CASTOR1: variants seen among roughly 807,000 people sequenced by gnomAD.
CASTOR1 encodes the protein cytosolic arginine sensor for mTORC1 subunit 1.
CASTOR1 carries 18 observed loss-of-function variants against 33.7 expected under a neutral mutation model. The ratio of observed to expected loss-of-function variants is 0.53; its 90% CI spans 0.37 to 0.79. The LOEUF is 0.79. Ranked by LOEUF, CASTOR1 falls within the 30% of genes least tolerant of loss-of-function variation. CASTOR1 has a pLI of 0.00. For synonymous variants in CASTOR1, 175 were observed against 190.6 expected (o/e 0.92, Z 0.67); for missense variants, 362 against 446.3 (o/e 0.81, Z 1.70).
chr22:30,286,435 C>T, intron 5 of CASTOR1, 59 bp from the exon 6 acceptor site: 1 of 1,158,700 alleles, frequency 8.6e-7, no homozygotes, highest in Non-Finnish European at 1.3e-6. Context: ...TGCCCCTGCT[C>T]CCGATCAGCC....
chr22:30,288,861 C>A, intron 1 of CASTOR1, 85 bp from the exon 2 acceptor site: 2 of 1,154,336 alleles, frequency 1.7e-6, no homozygotes, highest in Non-Finnish European at 2.5e-6. Context: ...CCCGAGACAC[C>A]CCCGCGACCC....
chr22:30,287,658 A>C, intron 2 of CASTOR1, 98 bp from the exon 3 acceptor site: 10 of 1,203,272 alleles, frequency 8.3e-6, no homozygotes, highest in Non-Finnish European at 1.2e-5. Context: ...GGGCTCCATC[A>C]AGGTAAGGGC....
rs1207120849 is a variant in CASTOR1 at position 30,285,334 on chromosome 22, C to T, written c.*286G>A. 1.2e-5 allele frequency: 4 copies of T among 341,284 alleles called. No individual in the cohort carries two copies. The highest frequency in any genetic ancestry group is 2.2e-5 in the Non-Finnish European group (4 of 186,010). The allele number at this position is 341,284 out of a possible 1,614,324, so 21.1% of individuals were successfully genotyped here. ...CCTCAGGCAGGGACTGTGCAAACGC[C>T]GAGGCTGCGCAGGGAGTGATGGGTT... On this transcript the variant is annotated 3_prime_UTR_variant, in exon 9 of 9. Coordinates refer to ENST00000407689, the MANE Select transcript of CASTOR1 (RefSeq NM_001037666.3).
Position 30,289,433 on chromosome 22 carries a change from A to G in CASTOR1, c.65T>C (p.Leu22Pro), listed in dbSNP as rs774552859. 2 of 1,600,848 alleles carry G rather than the reference A, an allele frequency of 1.2e-6. No homozygotes were observed. Among genetic ancestry groups the G allele is most frequent in the African/African-American group, 1.4e-5 (1 of 73,982 alleles). Residue 22 changes from leucine to proline, a missense_variant, in exon 1 of 9, where the codon CTC becomes CCC. Leu to Pro is a moderately conservative substitution (Grantham distance 98, BLOSUM62 -3). Coordinates refer to ENST00000407689, the MANE Select transcript of CASTOR1 (RefSeq NM_001037666.3). ...VLSVARPGLW[L>P]YTHPLIKLLF... is the part of the protein sequence containing the mutation. ...CAGCTTGATGAGCGGGTGGGTGTAG[A>G]GCCAGAGACCGGGACGGGCGACGCT...
intron 5 of CASTOR1, 75 bp from the exon 6 acceptor site, chr22:30,286,451 A>C (rs1206379172): frequency 4.8e-6 from 5 of 1,035,892 alleles, no homozygotes; most frequent in Non-Finnish European, 7.4e-6. Flanking sequence ...CAGCCTCCAG[A>C]ACCCTGGGAA....
Position 30,287,138 on chromosome 22 carries a change from CA to C in CASTOR1, c.505+16del, listed in dbSNP as rs1287894199. ...GGAGGCCCTGCCCAAGTCCAAGTGT[CA>C]GGGGGCGGCCCTCACCATGCTGAGT... On this transcript the variant is annotated intron_variant, in intron 4 of 8. Coordinates refer to ENST00000407689, the MANE Select transcript of CASTOR1 (RefSeq NM_001037666.3). The C allele has an allele frequency of 1.2e-6, 2 of 1,603,874 alleles. No individual in the cohort carries two copies. The highest frequency in any genetic ancestry group is 2.7e-5 in the African/African-American group (2 of 74,670).
chr22:30,286,210 C>A, intron 6 of CASTOR1, 53 bp downstream of exon 6: 1 of 1,488,262 alleles, frequency 6.7e-7, no homozygotes, highest in South Asian at 1.2e-5. Flanking sequence ...CACCTCCTCC[C>A]TGCCTGGGAC....
In CASTOR1 at chr22:30,286,634, C is replaced by T. The variant is rs1419288510; in HGVS notation, c.629+191G>A. 4 of 778,836 alleles carry T rather than the reference C, an allele frequency of 5.1e-6. No individual in the cohort carries two copies. In the African/African-American group the frequency reaches 6.9e-5, roughly 13 times the overall value. 48.2% of individuals were successfully genotyped at this position (778,836 alleles called of 1,614,324 possible). ...CCAGGGCATGGCTCAGACGACCCCA[C>T]TGGAAAGGGATCCAGCTTTGGGGCA... On this transcript the variant is annotated intron_variant, in intron 5 of 8. Coordinates refer to ENST00000407689, the MANE Select transcript of CASTOR1 (RefSeq NM_001037666.3).
intron 2 of CASTOR1, 123 bp from the exon 3 acceptor site, chr22:30,287,683 G>A: frequency 2.1e-6 from 2 of 954,380 alleles, no homozygotes; most frequent in Non-Finnish European, 1.6e-6. Flanking sequence ...CTGGAGGCTG[G>A]GGCTCCTGAA....
chr22:30,286,079 G>A lies in CASTOR1; in HGVS notation c.763C>T (p.Leu255=). The part of the protein sequence containing the change: ...TQKKFPSDLL[L]TSSSGELWRM... Reference sequence around the variant, plus strand: ...CACAGCTCCCCCGAGGAGCTGGTCAGCAGGAGGTCACTGGGGAACCTGGGG... The same window carrying A: ...CACAGCTCCCCCGAGGAGCTGGTCAACAGGAGGTCACTGGGGAACCTGGGG... The change falls in exon 7 of 9, where the codon CTG becomes TTG. Residue 255 remains leucine (L), a synonymous_variant. Transcript: ENST00000407689. 6.3e-7 allele frequency: 1 copy of A among 1,578,684 alleles called. No homozygotes were observed. Among genetic ancestry groups the A allele is most frequent in the Non-Finnish European group, 8.6e-7 (1 of 1,160,634 alleles).
At position 30,285,516 on chromosome 22, in the gene CASTOR1, C is replaced by G. The variant is rs77637191; in HGVS notation, c.*104G>C. On this transcript the variant is annotated 3_prime_UTR_variant, in exon 9 of 9. Coordinates refer to ENST00000407689, the MANE Select transcript of CASTOR1 (RefSeq NM_001037666.3). ...CAGAGAGCGGAACGAGGGTCCCCAGCAGAACAGGGGGCTCGTTCCAGAGCT... is the reference window on the plus strand; with the variant it reads ...CAGAGAGCGGAACGAGGGTCCCCAGGAGAACAGGGGGCTCGTTCCAGAGCT... 2.0e-4 allele frequency: 188 copies of G among 929,012 alleles called. 5 individuals are homozygous for G. In the South Asian group the frequency reaches 2.8e-3, roughly 14 times the overall value. 57.5% of individuals were successfully genotyped at this position (929,012 alleles called of 1,614,324 possible). A position where few individuals can be genotyped will look rare whatever the true frequency, so the allele number is the denominator to read the frequency against.
In CASTOR1 at chr22:30,286,037, C is replaced by A. The variant is rs750642300; in HGVS notation, c.805G>T (p.Gly269Cys). 1 of 1,590,970 alleles carries A rather than the reference C, an allele frequency of 6.3e-7. No individual in the cohort carries two copies. Among genetic ancestry groups the A allele is most frequent in the Non-Finnish European group, 8.6e-7 (1 of 1,167,410 alleles). The stretch of plus-strand genomic sequence containing the variant: ...TCACCAAAGCCCAGGGGCTGTCCAC[C>A]GATGCGCACCATCCTCCACAGCTCC... ...SGELWRMVRI[G>C]GQPLGFDECG... is the part of the protein sequence containing the mutation. Residue 269 changes from glycine to cysteine, a missense_variant, in exon 7 of 9, where the codon GGT (glycine) becomes TGT (cysteine). Physicochemically the swap from Gly to Cys is radical, Grantham distance 159 (BLOSUM62 -3). Transcript: ENST00000407689.
chr22:30,289,481 A>G lies in CASTOR1; in HGVS notation c.17T>C (p.Leu6Pro), dbSNP rs1474258437. ...GCTCAGCACCCGCACCCGGTGTTCTAGGATGTGCAGCTCCATCGCGGCTCG... is the reference window on the plus strand; with the variant it reads ...GCTCAGCACCCGCACCCGGTGTTCTGGGATGTGCAGCTCCATCGCGGCTCG... MELHI[L>P]EHRVRVLSVA... The change falls in exon 1 of 9, where the codon CTA becomes CCA. Residue 6 changes from leucine (L) to proline (P), a missense_variant. By Grantham distance (98) the Leu-to-Pro change is moderately conservative. Coordinates refer to ENST00000407689, the MANE Select transcript of CASTOR1 (RefSeq NM_001037666.3). The G allele has an allele frequency of 6.3e-7, 1 of 1,590,820 alleles. No individual in the cohort carries two copies. Among genetic ancestry groups the G allele is most frequent in the Non-Finnish European group, 8.5e-7 (1 of 1,173,354 alleles).
intron 7 of CASTOR1, 25 bp downstream of exon 7, chr22:30,285,991 C>A: frequency 6.3e-7 from 1 of 1,586,482 alleles, no homozygotes. Flanking sequence ...CTCCCCAGCC[C>A]CCCAACACCG....
In CASTOR1 at chr22:30,286,955, G is replaced by A. The variant is rs1294434414; in HGVS notation, c.506-7C>T. 1 of 1,607,456 alleles carries A rather than the reference G, an allele frequency of 6.2e-7. No individual in the cohort carries two copies. The highest frequency in any genetic ancestry group is 1.3e-5 in the African/African-American group (1 of 74,750). On this transcript the variant is annotated splice_polypyrimidine_tract_variant and splice_region_variant and intron_variant, in intron 4 of 8. Transcript: ENST00000407689. ...TGCACCGTGGGGCTGGGCCCTGCTG[G>A]AGGACAGCAGCAGGTGAAAAGGTGT... is the stretch of plus-strand genomic sequence containing the variant.
chr22:30,289,246 G>C, intron 1 of CASTOR1, 139 bp downstream of exon 1: 1 of 675,104 alleles, frequency 1.5e-6, no homozygotes, highest in East Asian at 3.1e-5. Flanking sequence ...CCGGATGGCG[G>C]CCGGACGGGG....
In CASTOR1 at chr22:30,286,764, G is replaced by A. The variant is rs750812315; in HGVS notation, c.629+61C>T. On this transcript the variant is annotated intron_variant, in intron 5 of 8. Coordinates refer to ENST00000407689, the MANE Select transcript of CASTOR1 (RefSeq NM_001037666.3). ...TGCAAAACTGATAGATGGGCGGAAA[G>A]TGGTGGGACAGAGTGTAGGGAACAG... 3.7e-6 allele frequency: 6 copies of A among 1,607,760 alleles called. No individual in the cohort carries two copies. The South Asian group carries it at 4.4e-5, about 12-fold the overall frequency.
chr22:30,285,665 G>T lies in CASTOR1; in HGVS notation c.945C>A (p.Ser315Arg). ...HALVPEDGIG[S>R]VIEVLQRRQE... is the part of the protein sequence containing the mutation. ...GCCGCCGCTGGAGGACCTCGATGAC[G>T]CTGCCGATACCGTCCTCGGGCACCT... Residue 315 changes from serine to arginine, a missense_variant, in exon 9 of 9, where the codon AGC becomes AGA. By Grantham distance (110) the Ser-to-Arg change is moderately radical. Coordinates refer to ENST00000407689, the MANE Select transcript of CASTOR1 (RefSeq NM_001037666.3). 6.4e-7 allele frequency: 1 copy of T among 1,571,872 alleles called. No homozygotes were observed.
chr22:30,285,557 G>T lies in CASTOR1; in HGVS notation c.*63C>A. The T allele has an allele frequency of 7.8e-7, 1 of 1,283,226 alleles. No homozygotes were observed. The highest frequency in any genetic ancestry group is 1.1e-6 in the Non-Finnish European group (1 of 910,998). 79.5% of individuals were successfully genotyped at this position (1,283,226 alleles called of 1,614,324 possible). On this transcript the variant is annotated 3_prime_UTR_variant, in exon 9 of 9. Transcript: ENST00000407689. ...TTCCAGAGCTTAAGGAAATAGCTTA[G>T]AGAAGTCTTTGGAAGCCTGGGTCGA...
Sources: gnomAD v4.1 joint callset for allele counts on GRCh38, gnomAD v4.1.1 for gene constraint, MANE v1.5 for transcripts, NCBI Gene and HGNC (gene_info 2026-07-23, HGNC 2026-07-21) for gene names.